Variants in SMARCA4 observed in about 807,000 individuals in gnomAD.
SMARCA4 encodes the protein SWI/SNF-related matrix-associated actin-dependent regulator of chromatin subfamily A member 4.
In SMARCA4, 31 loss-of-function variants were observed where a neutral mutation model predicts 193.9. The ratio of observed to expected loss-of-function variants is 0.16; its 90% CI spans 0.12 to 0.22. SMARCA4 has a LOEUF of 0.22. SMARCA4 is among the 10% of genes least tolerant of loss of function. The probability of loss-of-function intolerance (pLI) is 1.00; values close to 1 mark genes in which losing one functional copy is unlikely to be tolerated. For missense variants in SMARCA4, 1,148 were observed against 2,296.0 expected, an observed-to-expected ratio of 0.50 and a Z score of 10.22; for synonymous variants, 942 against 933.1, an observed-to-expected ratio of 1.01 and a Z score of -0.17.
intron 8 of SMARCA4, among the ~76,000 whole-genome samples, chr19:10,991,686 A>G (rs566430117): frequency 1.3e-5 from 2 of 152,318 alleles, no homozygotes; most frequent in African/African-American, 4.8e-5. Flanking sequence ...TCTGTGGGAA[A>G]GAGCTTTCTG....
Position 11,058,144 on chromosome 19 carries a change from G to A in SMARCA4, c.4425-111G>A. 1 of 744,688 alleles carries A rather than the reference G, an allele frequency of 1.3e-6. No homozygotes were observed. The highest frequency in any genetic ancestry group is 2.4e-6 in the Non-Finnish European group (1 of 417,242). 46.1% of individuals were successfully genotyped at this position (744,688 alleles called of 1,614,324 possible). A position where few individuals can be genotyped will look rare whatever the true frequency, so the allele number is the denominator to read the frequency against. On this transcript the variant is annotated intron_variant, in intron 30 of 34. Coordinates refer to ENST00000344626, the MANE Select transcript of SMARCA4 (RefSeq NM_003072.5). The surrounding 1 kb of genome is among the most constrained non-coding windows in gnomAD (Gnocchi z 5.8). ...AGCGCATGTGCAAGAAATAGCTCCTGAGCTGAGTTGGAATTTCTCATCCTT... is the reference window on the plus strand; with the variant it reads ...AGCGCATGTGCAAGAAATAGCTCCTAAGCTGAGTTGGAATTTCTCATCCTT...
At chr19:10,988,633 G>T (rs1007462287) in intron 6 of SMARCA4, among the ~76,000 whole-genome samples, 1 of 152,106 alleles carries the variant, frequency 6.6e-6, no homozygotes, top group Non-Finnish European at 1.5e-5. Flanking sequence ...ACTCATTCAG[G>T]CCTGATTGCT....
chr19:11,054,002 G>T (rs2076404588), intron 30 of SMARCA4, among the ~76,000 whole-genome samples: 1 of 152,196 alleles, frequency 6.6e-6, no homozygotes, highest in Non-Finnish European at 1.5e-5. Flanking sequence ...GAAGGAAATG[G>T]GCCAAAGATG....
Position 10,985,460 on chromosome 19 carries a change from A to C in SMARCA4, c.355+55A>C, listed in dbSNP as rs2145755600. 6.2e-7 allele frequency: 1 copy of C among 1,601,442 alleles called. No individual in the cohort carries two copies. Among genetic ancestry groups the C allele is most frequent in the East Asian group, 2.2e-5 (1 of 44,538 alleles). ...GTTTGTCATACTCCAGAGTCCTCAG[A>C]TCATTTTCCTCCCCTGGGTTCCCAC... On this transcript the variant is annotated intron_variant, in intron 3 of 34. Transcript: ENST00000344626. The surrounding 1 kb of genome is among the most constrained non-coding windows in gnomAD (Gnocchi z 4.5).
At chr19:10,989,046 A>T (rs957382636) in intron 6 of SMARCA4, among the ~76,000 whole-genome samples, 12 of 152,174 alleles carry the variant, frequency 7.9e-5, no homozygotes, top group Non-Finnish European at 1.6e-4. Context: ...GGCCCGCCTG[A>T]CGCCAGAACC....
chr19:10,972,880 G>T (rs1311822947), intron 1 of SMARCA4, among the ~76,000 whole-genome samples: 9 of 152,236 alleles, frequency 5.9e-5, no homozygotes, highest in Non-Finnish European at 1.3e-4. Context: ...GGAGGCCAAA[G>T]TGGACGGATC....
At chr19:11,032,909 G>A (rs942749849) in intron 25 of SMARCA4, among the ~76,000 whole-genome samples, 1 of 152,220 alleles carries the variant, frequency 6.6e-6, no homozygotes, top group South Asian at 2.1e-4. Flanking sequence ...GCCACAACAC[G>A]GCCGAGCTTC....
chr19:11,010,664 C>A, intron 15 of SMARCA4, 133 bp downstream of exon 15: 1 of 861,866 alleles, frequency 1.2e-6, no homozygotes, highest in Non-Finnish European at 1.9e-6. Flanking sequence ...CTCTTCCCCT[C>A]TGAGCCTCGG....
rs1324930849 is a variant in SMARCA4, at chr19:10,991,141, C to T, written c.1246-9C>T. 1.2e-6 allele frequency: 2 copies of T among 1,613,410 alleles called. No homozygotes were observed. Among genetic ancestry groups the T allele is most frequent in the South Asian group, 1.1e-5 (1 of 90,910 alleles). ...GCAGTGCGCGGGCTTGTCCTCTTCCCTCCTACAGCTGCGCCAGGAGGTGGT... is the reference window on the plus strand; with the variant it reads ...GCAGTGCGCGGGCTTGTCCTCTTCCTTCCTACAGCTGCGCCAGGAGGTGGT... On this transcript the variant is annotated splice_polypyrimidine_tract_variant and intron_variant, in intron 7 of 34. Transcript: ENST00000344626.
chr19:11,025,886 CT>C (rs2090220323), intron 22 of SMARCA4, among the ~76,000 whole-genome samples: 2 of 152,126 alleles, frequency 1.3e-5, no homozygotes, highest in Non-Finnish European at 2.9e-5. Flanking sequence ...AGTCAGAACC[CT>C]TTTTGGTCAT....
intron 8 of SMARCA4, among the ~76,000 whole-genome samples, chr19:10,994,018 A>G (rs1387410715): frequency 1.3e-5 from 2 of 151,668 alleles, no homozygotes; most frequent in African/African-American, 4.8e-5. Context: ...TGTTTTCATA[A>G]TAGTCTCGTT....
At chr19:11,032,685 A>G (rs898624189) in intron 25 of SMARCA4, 4 of 157,538 alleles carry the variant, frequency 2.5e-5, no homozygotes, top group Admixed American at 1.2e-4. Context: ...AAAAAAAGAA[A>G]AAAAGCCCAT....
chr19:11,033,672 T>G lies in SMARCA4; in HGVS notation c.3775-95T>G. 2.6e-6 allele frequency: 2 copies of G among 776,076 alleles called. No individual in the cohort carries two copies. Among genetic ancestry groups the G allele is most frequent in the Non-Finnish European group, 4.7e-6 (2 of 423,032 alleles). 48.1% of individuals were successfully genotyped at this position (776,076 alleles called of 1,614,324 possible). On this transcript the variant is annotated intron_variant, in intron 26 of 34. Transcript: ENST00000344626. The surrounding 1 kb of genome is among the most constrained non-coding windows in gnomAD (Gnocchi z 9.8). ...GGCTGAACGGAAAGAGGATGAGTAC[T>G]TGCTTTTTCTTTGAAGTGGTTTTTT...
In SMARCA4 at chr19:11,019,440, C is replaced by T. The variant is rs925390791; in HGVS notation, c.2506-151C>T. Reference sequence around the variant, plus strand: ...TGCGTGGTGAGGTCTGGGGACGCGCCAGCGGCCCTGCCAGCCCCTTTCCCC... The same window carrying T: ...TGCGTGGTGAGGTCTGGGGACGCGCTAGCGGCCCTGCCAGCCCCTTTCCCC... On this transcript the variant is annotated intron_variant, in intron 17 of 34. Coordinates refer to ENST00000344626, the MANE Select transcript of SMARCA4 (RefSeq NM_003072.5). The surrounding 1 kb of genome is among the most constrained non-coding windows in gnomAD (Gnocchi z 6.1). 17 of 657,596 alleles carry T rather than the reference C, an allele frequency of 2.6e-5. No homozygotes were observed. The Admixed American group carries it at 3.4e-4, about 13-fold the overall frequency. 40.7% of individuals were successfully genotyped at this position (657,596 alleles called of 1,614,324 possible).
In SMARCA4 at chr19:11,041,627, C is replaced by G. The variant is rs2075620607; in HGVS notation, c.4424+67C>G. The G allele has an allele frequency of 2.1e-6, 3 of 1,408,532 alleles. No homozygotes were observed. In the South Asian group the frequency reaches 3.5e-5, roughly 17 times the overall value. 87.3% of individuals were successfully genotyped at this position (1,408,532 alleles called of 1,614,324 possible). The stretch of plus-strand genomic sequence containing the variant: ...CGTGGGAGCAGGCCTGGCATCTGCA[C>G]TCTGACTCTGCACACTCAGGCTTGG... On this transcript the variant is annotated intron_variant, in intron 30 of 34. Coordinates refer to ENST00000344626, the MANE Select transcript of SMARCA4 (RefSeq NM_003072.5). The surrounding 1 kb of genome is among the most constrained non-coding windows in gnomAD (Gnocchi z 5.6).
intron 20 of SMARCA4, 123 bp from the exon 21 acceptor site, chr19:11,024,208 A>C (rs1164196161): frequency 1.4e-6 from 1 of 734,752 alleles, no homozygotes; most frequent in Admixed American, 1.9e-5. Flanking sequence ...CCTCACCCAC[A>C]CCCCAGTGTG....
intron 30 of SMARCA4, among the ~76,000 whole-genome samples, chr19:11,045,791 T>C (rs575086747): frequency 3.7e-4 from 56 of 152,192 alleles, no homozygotes; most frequent in African/African-American, 1.3e-3. Flanking sequence ...ATACAATAAA[T>C]TAAAACTTTC....
At chr19:10,962,700 G>A (rs1019015930) in intron 1 of SMARCA4, among the ~76,000 whole-genome samples, 14 of 152,104 alleles carry the variant, frequency 9.2e-5, no homozygotes, top group African/African-American at 2.9e-4. Context: ...CCGCCACCAC[G>A]CCTGGCTAAT....
At chr19:11,032,066 G>A (rs2074964652) in intron 25 of SMARCA4, 1 of 152,312 alleles carries the variant, frequency 6.6e-6, no homozygotes, top group Admixed American at 6.5e-5. Context: ...TGACCAGCCA[G>A]TTTCTTAGGA....
Sources: gnomAD v4.1 joint callset for allele counts (sites outside exome capture counted in the v4.1 genomes callset) on GRCh38, gnomAD v4.1.1 for gene constraint, Gnocchi (gnomAD v3.1) non-coding constraint, MANE v1.5 for transcripts, NCBI Gene and HGNC (gene_info 2026-07-23, HGNC 2026-07-21) for gene names.